Variants in PTPRQ observed in about 807,000 individuals in gnomAD.
The protein encoded by PTPRQ is protein tyrosine phosphatase receptor type Q.
In PTPRQ, 199 loss-of-function variants were observed where a neutral mutation model predicts 246.0. The ratio of observed to expected loss-of-function variants is 0.81; its 90% CI spans 0.72 to 0.91. The LOEUF is 0.91. PTPRQ is among the 40% of genes least tolerant of loss of function. The pLI is 0.00. For synonymous variants in PTPRQ, 869 were observed against 853.2 expected, an observed-to-expected ratio of 1.02 and a Z score of -0.32; for missense variants, 2,624 against 2,528.4, an observed-to-expected ratio of 1.04 and a Z score of -0.81.
chr12:80,569,338 A>G (rs1490119480), intron 25 of PTPRQ, among the ~76,000 whole-genome samples: 4 of 121,614 alleles, frequency 3.3e-5, no homozygotes, highest in African/African-American at 1.3e-4. Flanking sequence ...ATATGTGCCC[A>G]TTTTCTTAAT....
At position 80,535,155 on chromosome 12, in the gene PTPRQ, T is replaced by A. The variant is rs552155141; in HGVS notation, c.2985+118T>A. 4 of 1,051,562 alleles carry A rather than the reference T, an allele frequency of 3.8e-6. No homozygotes were observed. In the South Asian group the frequency reaches 8.5e-5, roughly 22 times the overall value. The allele number at this position is 1,051,562 out of a possible 1,614,324, so 65.1% of individuals were successfully genotyped here. A position where few individuals can be genotyped will look rare whatever the true frequency, so the allele number is the denominator to read the frequency against. On this transcript the variant is annotated intron_variant, in intron 19 of 44. Transcript: ENST00000644991. The stretch of plus-strand genomic sequence containing the variant: ...ACATTGATAATTAGGCACAGATGTA[T>A]TTTATAAAACTCCCATTGACATAGA...
chr12:80,662,371 G>A lies in PTPRQ; in HGVS notation c.6192+4310G>A, dbSNP rs571636601. 2.0e-5 allele frequency among the ~76,000 whole-genome samples: 3 copies of A among 152,028 alleles called. No individual in the cohort carries two copies. The East Asian group carries it at 5.8e-4, about 29-fold the overall frequency. Reference sequence around the variant, plus strand: ...GTAGTTCCACAATACCTGAGATGTAGTAGGCATTTAATAATTGAGTTCATA... The same window carrying A: ...GTAGTTCCACAATACCTGAGATGTAATAGGCATTTAATAATTGAGTTCATA... On this transcript the variant is annotated intron_variant, in intron 39 of 44. Coordinates refer to ENST00000644991, the MANE Select transcript of PTPRQ (RefSeq NM_001145026.2).
At chr12:80,499,102 T>G (rs1443876785) in intron 14 of PTPRQ, among the ~76,000 whole-genome samples, 1 of 93,756 alleles carries the variant, frequency 1.1e-5, no homozygotes, top group African/African-American at 3.6e-5. Context: ...TCACAAGTTA[T>G]AGTACATGAG....
At chr12:80,624,745 C>T (rs1054849647) in intron 33 of PTPRQ, among the ~76,000 whole-genome samples, 1 of 152,116 alleles carries the variant, frequency 6.6e-6, no homozygotes, top group Admixed American at 6.6e-5. Context: ...CAAACAACAT[C>T]CCCTAGAAGT....
intron 43 of PTPRQ, among the ~76,000 whole-genome samples, chr12:80,677,175 C>T (rs1307379193): frequency 6.6e-6 from 1 of 152,064 alleles, no homozygotes; most frequent in Non-Finnish European, 1.5e-5. Context: ...TGTGACTTCA[C>T]ATATTTTTTT....
At chr12:80,455,193 C>CA (rs1048278912) in intron 3 of PTPRQ, among the ~76,000 whole-genome samples, 1 of 149,676 alleles carries the variant, frequency 6.7e-6, no homozygotes, top group Admixed American at 6.7e-5. Context: ...AACAAACAAA[C>CA]AAAAAAACAG....
chr12:80,456,872 A>G (rs1267426510), intron 3 of PTPRQ, among the ~76,000 whole-genome samples: 2 of 152,120 alleles, frequency 1.3e-5, no homozygotes, highest in Admixed American at 6.5e-5. Flanking sequence ...TATTATTCCC[A>G]TTTTAAAGAC....
chr12:80,471,474 A>ATTTTTTTTTTTTTTTTTTTTT (rs1176393485), intron 7 of PTPRQ, among the ~76,000 whole-genome samples: 1 of 73,198 alleles, frequency 1.4e-5, no homozygotes, highest in Non-Finnish European at 2.4e-5. Flanking sequence ...ATTATTTAGC[A>ATTTTTTTTTTTTTTTTTTTTT]TTTTTTTTTT....
intron 17 of PTPRQ, among the ~76,000 whole-genome samples, chr12:80,521,680 A>C (rs192501208): frequency 1.8e-4 from 27 of 152,048 alleles, no homozygotes; most frequent in East Asian, 3.9e-4. Flanking sequence ...TGTAGATATG[A>C]GGCGTTATTT....
At chr12:80,527,610 A>C (rs1895725369) in intron 17 of PTPRQ, among the ~76,000 whole-genome samples, 1 of 152,290 alleles carries the variant, frequency 6.6e-6, no homozygotes, top group South Asian at 2.1e-4. Context: ...TTTAAAATAC[A>C]GAGTTAAAAA....
At chr12:80,514,312 C>G (rs1895214468) in intron 17 of PTPRQ, among the ~76,000 whole-genome samples, 1 of 150,448 alleles carries the variant, frequency 6.6e-6, no homozygotes, top group Non-Finnish European at 1.5e-5. Context: ...CCAGGATTGA[C>G]TCTTGATGTG....
At chr12:80,617,359 GATTA>G (rs1469444837) in intron 30 of PTPRQ, among the ~76,000 whole-genome samples, 1 of 151,262 alleles carries the variant, frequency 6.6e-6, no homozygotes, top group Non-Finnish European at 1.5e-5. Flanking sequence ...TTTGTCAATG[GATTA>G]TTTATATAAT....
intron 30 of PTPRQ, among the ~76,000 whole-genome samples, chr12:80,619,036 A>G (rs1898873974): frequency 6.6e-6 from 1 of 151,542 alleles, no homozygotes; most frequent in Admixed American, 6.6e-5. Flanking sequence ...GAAGCAAAAG[A>G]AACTACACTA....
intron 19 of PTPRQ, among the ~76,000 whole-genome samples, chr12:80,536,837 A>G (rs574966688): frequency 6.6e-6 from 1 of 152,310 alleles, no homozygotes; most frequent in South Asian, 2.1e-4. Context: ...TCCTTCTTTT[A>G]TGCATTTAAA....
Position 80,444,762 on chromosome 12 carries a change from C to T in PTPRQ, c.76C>T (p.Pro26Ser). Residue 26 changes from proline (P) to serine (S), a missense_variant, in exon 2 of 45, where the codon CCT (proline) becomes TCT (serine). Transcript: ENST00000644991. ...CTAGGTTGATGTTTCCAATGTCGTT[C>T]CTGGTACTAGGTACGATATAACCAT... ...ETQVDVSNVV[P>S]GTRYDITISS... is the part of the protein sequence containing the mutation. 6.5e-7 allele frequency: 1 copy of T among 1,539,828 alleles called. No individual in the cohort carries two copies. The highest frequency in any genetic ancestry group is 1.2e-5 in the South Asian group (1 of 83,484).
Position 80,632,214 on chromosome 12 carries a change from C to T in PTPRQ, c.5709C>T (p.Thr1903=), listed in dbSNP as rs138300863. ...CAGGGGAAGGACTTTCAGAAAGAAC[C>T]GTAGAGATCATTCTTTCCGTCACTT... The part of the protein sequence containing the change: ...KTLGEGLSER[T]VEIILSVTLC... Residue 1903 remains threonine, a synonymous_variant, in exon 34 of 45, where the codon ACC becomes ACT. Transcript: ENST00000644991. 1.9e-5 allele frequency: 29 copies of T among 1,551,286 alleles called. No homozygotes were observed. The highest frequency in any genetic ancestry group is 2.4e-5 in the Non-Finnish European group (27 of 1,146,822).
intron 25 of PTPRQ, among the ~76,000 whole-genome samples, chr12:80,572,525 A>G (rs1009426812): frequency 1.3e-5 from 2 of 152,078 alleles, no homozygotes; most frequent in African/African-American, 4.8e-5. Context: ...GCCTTATAGC[A>G]CTGGCTTGAC....
intron 17 of PTPRQ, among the ~76,000 whole-genome samples, chr12:80,531,335 AAC>A (rs1895837776): frequency 6.6e-6 from 1 of 152,286 alleles, no homozygotes; most frequent in Non-Finnish European, 1.5e-5. Flanking sequence ...AACATAATGG[AAC>A]ACATAATAAT....
chr12:80,516,998 C>T (rs1451151114), intron 17 of PTPRQ, among the ~76,000 whole-genome samples: 1 of 152,076 alleles, frequency 6.6e-6, no homozygotes, highest in Non-Finnish European at 1.5e-5. Context: ...TATGAATGCT[C>T]TTTAGGGCTT....
Sources: allele counts gnomAD v4.1 joint callset (sites outside exome capture counted in the v4.1 genomes callset), GRCh38; gene constraint gnomAD v4.1.1; transcripts MANE v1.5; gene names NCBI Gene and HGNC (gene_info 2026-07-23, HGNC 2026-07-21).